Variants in PSME4 observed in about 807,000 individuals in gnomAD.
PSME4 encodes the protein proteasome activator subunit 4, also known as proteasome activator complex subunit 4.
In PSME4, 89 loss-of-function variants were observed where a neutral mutation model predicts 253.9. The ratio of observed to expected loss-of-function variants is 0.35; its 90% confidence interval spans 0.30 to 0.42. The LOEUF is 0.42. Ranked by LOEUF, PSME4 falls within the 10% of genes least tolerant of loss-of-function variation. The pLI is 1.00. For synonymous variants in PSME4, 851 were observed against 759.2 expected, an observed-to-expected ratio of 1.12 and a Z score of -1.99; for missense variants, 2,014 against 2,195.2, an observed-to-expected ratio of 0.92 and a Z score of 1.65.
At chr2:53,961,302 T>C (rs1031110963) in intron 1 of PSME4, among the ~76,000 whole-genome samples, 3 of 152,172 alleles carry the variant, frequency 2.0e-5, no homozygotes, top group Non-Finnish European at 4.4e-5. Context: ...GGTGTTCATA[T>C]AGAATGAGAT....
At chr2:53,917,917 G>C (rs1256705762) in intron 20 of PSME4, among the ~76,000 whole-genome samples, 1 of 152,110 alleles carries the variant, frequency 6.6e-6, no homozygotes, top group African/African-American at 2.4e-5. Flanking sequence ...TCTTTAAAAA[G>C]AATTCGGCAA....
chr2:53,876,588 T>A (rs2104414514), intron 41 of PSME4, among the ~76,000 whole-genome samples: 1 of 151,910 alleles, frequency 6.6e-6, no homozygotes, highest in African/African-American at 2.4e-5. Flanking sequence ...AATACTTATA[T>A]ATATATATAT....
chr2:53,874,304 G>A, intron 43 of PSME4, 35 bp downstream of exon 43: 2 of 1,583,008 alleles, frequency 1.3e-6, no homozygotes, highest in Non-Finnish European at 1.7e-6. Context: ...TCTTTAAATT[G>A]ACTGAATTTC....
chr2:53,905,787 A>C (rs1680629840), intron 26 of PSME4, among the ~76,000 whole-genome samples: 1 of 151,888 alleles, frequency 6.6e-6, no homozygotes. Flanking sequence ...ACTGCACTGC[A>C]GCCTGGGTAA....
At chr2:53,927,679 G>A (rs1668623704) in intron 11 of PSME4, among the ~76,000 whole-genome samples, 196 bp from the exon 12 acceptor site, 1 of 152,184 alleles carries the variant, frequency 6.6e-6, no homozygotes, top group East Asian at 1.9e-4. Context: ...GAGCGCAGTG[G>A]CTCACACCTG....
chr2:53,912,526 T>A (rs564880079), intron 20 of PSME4, among the ~76,000 whole-genome samples: 13 of 152,336 alleles, frequency 8.5e-5, no homozygotes, highest in African/African-American at 3.1e-4. Context: ...GGTACGATCA[T>A]GGCTCACTGC....
intron 14 of PSME4, among the ~76,000 whole-genome samples, chr2:53,924,720 C>A (rs1337024208): frequency 1.3e-5 from 2 of 152,082 alleles, no homozygotes; most frequent in African/African-American, 4.8e-5. Context: ...CTGTGCTGCA[C>A]CCATTAACTC....
chr2:53,904,179 AGG>A, intron 26 of PSME4, 23 bp from the exon 27 acceptor site: 1 of 1,593,776 alleles, frequency 6.3e-7, no homozygotes, highest in Non-Finnish European at 8.6e-7. Context: ...TTATTAACAA[AGG>A]ACTTTTATTA....
chr2:53,947,013 G>A (rs924977373), intron 3 of PSME4, among the ~76,000 whole-genome samples: 8 of 152,178 alleles, frequency 5.3e-5, no homozygotes, highest in Non-Finnish European at 1.0e-4. Context: ...ATTCTATTTC[G>A]TGATAAAATT....
intron 1 of PSME4, among the ~76,000 whole-genome samples, chr2:53,964,968 A>AAT (rs1265348916): frequency 2.0e-5 from 3 of 152,226 alleles, no homozygotes; most frequent in African/African-American, 7.2e-5. Flanking sequence ...TTCACATTAT[A>AAT]ATATAGTCAC....
chr2:53,907,308 C>A (rs1680704884), intron 24 of PSME4, among the ~76,000 whole-genome samples: 1 of 152,098 alleles, frequency 6.6e-6, no homozygotes, highest in African/African-American at 2.4e-5. Flanking sequence ...ATCATTTAAG[C>A]TTTTATCCAT....
rs576861282 is a variant in PSME4, at chr2:53,926,716, G to A, written c.1593+678C>T. On this transcript the variant is annotated intron_variant, in intron 12 of 46. Transcript: ENST00000404125. ...GGGCTGGGTACAGTGGCTCACATCT[G>A]TAATCTCAGCATTTGGGAGGTCAAG... 2.7e-3 allele frequency among the ~76,000 whole-genome samples: 408 copies of A among 151,650 alleles called. 3 individuals are homozygous for A. The highest frequency in any genetic ancestry group is 9.4e-3 in the African/African-American group (388 of 41,294).
chr2:53,936,273 T>C (rs1669111992), intron 6 of PSME4, 112 bp from the exon 7 acceptor site: 2 of 1,430,100 alleles, frequency 1.4e-6, no homozygotes, highest in African/African-American at 2.9e-5. Flanking sequence ...GCAATCTACT[T>C]AAATAGATAG....
At chr2:53,922,736 CA>C in intron 16 of PSME4, 152 bp from the exon 17 acceptor site, 1 of 1,045,578 alleles carries the variant, frequency 9.6e-7, no homozygotes, top group Non-Finnish European at 1.3e-6. Flanking sequence ...GAGCTTGTTC[CA>C]AAAGGAGGTA....
intron 22 of PSME4, 72 bp from the exon 23 acceptor site, chr2:53,908,637 C>A: frequency 6.6e-7 from 1 of 1,510,664 alleles, no homozygotes; most frequent in South Asian, 1.3e-5. Context: ...AGGCATTAGT[C>A]AAGAATCTAT....
chr2:53,961,593 G>A (rs767747811), intron 1 of PSME4, among the ~76,000 whole-genome samples: 3 of 152,082 alleles, frequency 2.0e-5, no homozygotes, highest in Non-Finnish European at 2.9e-5. Context: ...TGGGAAGATC[G>A]CTTGAGCCTG....
In PSME4 at chr2:53,970,926, T is replaced by G; in HGVS notation, c.-142A>C. The G allele has an allele frequency of 1.9e-5, 12 of 632,990 alleles. No homozygotes were observed. Among genetic ancestry groups the G allele is most frequent in the East Asian group, 3.5e-5 (1 of 28,366 alleles). 39.2% of individuals were successfully genotyped at this position (632,990 alleles called of 1,614,324 possible). On this transcript the variant is annotated 5_prime_UTR_variant, in exon 1 of 47. Coordinates refer to ENST00000404125, the MANE Select transcript of PSME4 (RefSeq NM_014614.3). ...CCCTCGGACCGATCGCTAGGCCCCC[T>G]TCCCTGGCCGGCGTGCTGCTGGGCC...
At position 53,873,923 on chromosome 2, in the gene PSME4, A is replaced by C. The variant is rs1414091442; in HGVS notation, c.5100+416T>G. Among the ~76,000 whole-genome samples, 3 of 152,148 alleles carry C rather than the reference A, an allele frequency of 2.0e-5. No homozygotes were observed. In the East Asian group the frequency reaches 5.8e-4, roughly 29 times the overall value. On this transcript the variant is annotated intron_variant, in intron 43 of 46. Coordinates refer to ENST00000404125, the MANE Select transcript of PSME4 (RefSeq NM_014614.3). The stretch of plus-strand genomic sequence containing the variant: ...TATTATAAGGAATCATGATTAGGGT[A>C]TCAAAATTACTCACATAGGGCTATG...
intron 20 of PSME4, 33 bp downstream of exon 20, chr2:53,919,118 T>C (rs767108098): frequency 7.8e-5 from 123 of 1,577,904 alleles, no homozygotes; most frequent in Admixed American, 2.5e-4. Flanking sequence ...ACTTAAAATA[T>C]ATGTTAAGTG....
Sources: gnomAD v4.1 joint callset for allele counts (sites outside exome capture counted in the v4.1 genomes callset) on GRCh38, gnomAD v4.1.1 for gene constraint, MANE v1.5 for transcripts, NCBI Gene and HGNC (gene_info 2026-07-23, HGNC 2026-07-21) for gene names.